The following ZNF420 variants were observed in gnomAD, a reference collection of about 807,000 sequenced individuals.
The protein encoded by ZNF420 is zinc finger protein 420, also known as ATM and p53-associated KZNF protein.
ZNF420 carries 31 observed loss-of-function variants against 44.7 expected under a neutral mutation model. The ratio of observed to expected loss-of-function variants is 0.69; its 90% CI spans 0.52 to 0.94. The LOEUF is 0.94. Among genes scored for constraint, ZNF420 ranks in the 40% least tolerant of loss-of-function variants. ZNF420 has a pLI of 0.00. For missense variants in ZNF420, 681 were observed against 827.9 expected (o/e 0.82, Z 2.18); for synonymous variants, 245 against 267.4 (o/e 0.92, Z 0.82).
rs1196970208 is a variant in ZNF420 at position 37,128,356 on chromosome 19, C to A, written c.1365C>A (p.Thr455=). The change falls in exon 5 of 5, where the codon ACC becomes ACA. Residue 455 remains threonine, a synonymous_variant. Coordinates refer to ENST00000337995, the MANE Select transcript of ZNF420 (RefSeq NM_144689.5). ...ATGAATGTAAAGAATGTGGAAAAACCTTTAGTCGTGGCTCAGAACTTACTC... is the reference window on the plus strand; with the variant it reads ...ATGAATGTAAAGAATGTGGAAAAACATTTAGTCGTGGCTCAGAACTTACTC... ...KPYECKECGK[T]FSRGSELTQH... is the part of the protein sequence containing the mutation. 5.0e-6 allele frequency: 8 copies of A among 1,613,758 alleles called. No individual in the cohort carries two copies. In the Admixed American group the frequency reaches 1.0e-4, roughly 20 times the overall value.
chr19:37,019,999 T>C (rs2074635559), intron 1 of ZNF420, among the ~76,000 whole-genome samples: 4 of 151,920 alleles, frequency 2.6e-5, no homozygotes, highest in Non-Finnish European at 4.4e-5. Context: ...GGGCGGATCA[T>C]AAGGTCAGGA....
In ZNF420 at chr19:37,084,899, G is replaced by A. The variant is rs368219136; in HGVS notation, c.-80-4140G>A. ...TATTTTTTTTTGAAAACTTGATAGG[G>A]GTTTGTAAACTGTATTAATCTTTTG... On this transcript the variant is annotated intron_variant, in intron 2 of 4. Coordinates refer to ENST00000337995, the MANE Select transcript of ZNF420 (RefSeq NM_144689.5). Among the ~76,000 whole-genome samples the A allele has an allele frequency of 4.0e-5, 6 of 151,862 alleles. No homozygotes were observed. In the South Asian group the frequency reaches 1.3e-3, roughly 32 times the overall value.
At chr19:37,113,510 C>T (rs1970494746) in intron 4 of ZNF420, among the ~76,000 whole-genome samples, 1 of 152,140 alleles carries the variant, frequency 6.6e-6, no homozygotes, top group Admixed American at 6.5e-5. Flanking sequence ...TCAGGATTGG[C>T]ATTTTCGTAT....
chr19:37,099,052 A>G (rs1305489125), intron 4 of ZNF420, among the ~76,000 whole-genome samples: 1 of 152,198 alleles, frequency 6.6e-6, no homozygotes, highest in Non-Finnish European at 1.5e-5. Flanking sequence ...TTCTGCATAT[A>G]TACCACATTT....
At chr19:37,117,303 GGCTGTTCTACAGCCACC>G (rs1300216364) in intron 4 of ZNF420, among the ~76,000 whole-genome samples, 2 of 151,330 alleles carry the variant, frequency 1.3e-5, no homozygotes, top group Admixed American at 6.6e-5. Context: ...CACGAAAATC[GGCTGTTCTACAGCCACC>G]GCTGTTCTGC....
In ZNF420 at chr19:37,049,178, C is replaced by T. The variant is rs575881039; in HGVS notation, c.-124-31167C>T. Among the ~76,000 whole-genome samples the T allele has an allele frequency of 7.2e-5, 11 of 152,142 alleles. No individual in the cohort carries two copies. In the South Asian group the frequency reaches 1.5e-3, roughly 20 times the overall value. ...TGTGAATAGTGCTGCAATAAACATA[C>T]GTGTGCATGTGTCTTTATAGCAGCA... On this transcript the variant is annotated intron_variant, in intron 1 of 4. Coordinates refer to the ZNF420 transcript ENST00000587029.
chr19:37,110,312 G>A (rs34994400), intron 4 of ZNF420, among the ~76,000 whole-genome samples: 2,941 of 152,296 alleles, frequency 0.019, 79 homozygotes, highest in East Asian at 0.05. Flanking sequence ...GAGTGGGCAG[G>A]TGTAGGACTT....
intron 2 of ZNF420, among the ~76,000 whole-genome samples, chr19:37,084,484 G>A (rs1294954680): frequency 6.6e-6 from 1 of 152,128 alleles, no homozygotes; most frequent in Non-Finnish European, 1.5e-5. Context: ...CTATTGAGCT[G>A]TAACTTTTTT....
At chr19:37,038,569 A>T (rs569125183) in intron 1 of ZNF420, among the ~76,000 whole-genome samples, 12 of 152,322 alleles carry the variant, frequency 7.9e-5, no homozygotes, top group African/African-American at 2.9e-4. Flanking sequence ...TCTTTCAACA[A>T]TGTTGACAGC....
chr19:37,020,891 G>A (rs1400376277), intron 1 of ZNF420, among the ~76,000 whole-genome samples: 2 of 152,134 alleles, frequency 1.3e-5, no homozygotes, highest in African/African-American at 4.8e-5. Flanking sequence ...GGGGGAATGG[G>A]GAGTCATTGT....
chr19:37,112,001 T>A (rs1243813587), intron 4 of ZNF420, among the ~76,000 whole-genome samples: 1 of 151,998 alleles, frequency 6.6e-6, no homozygotes, highest in Admixed American at 6.6e-5. Context: ...AAGGCGAGAA[T>A]GAAGGCTCAG....
At chr19:37,077,590 C>T (rs1192862724), upstream of ZNF420, among the ~76,000 whole-genome samples, 1 of 152,074 alleles carries the variant, frequency 6.6e-6, no homozygotes, top group East Asian at 1.9e-4. Context: ...TTATCTTTTC[C>T]AGATTATTAC....
At chr19:37,041,121 C>T (rs1967443960) in intron 1 of ZNF420, among the ~76,000 whole-genome samples, 2 of 151,902 alleles carry the variant, frequency 1.3e-5, no homozygotes. Context: ...GTCAGGAGTT[C>T]AAGACCAGCC....
At position 37,121,758 on chromosome 19, in the gene ZNF420, T is replaced by G. The variant is rs540937750; in HGVS notation, c.137-5370T>G. 3.1e-4 allele frequency among the ~76,000 whole-genome samples: 47 copies of G among 152,028 alleles called. 3 individuals carry two copies. In the South Asian group the frequency reaches 9.8e-3, roughly 32 times the overall value. ...AAGGGCTAATATCCAGAATCTACAATGAACTCAAATTTACAAGAAAAAAAC... is the reference window on the plus strand; with the variant it reads ...AAGGGCTAATATCCAGAATCTACAAGGAACTCAAATTTACAAGAAAAAAAC... On this transcript the variant is annotated intron_variant, in intron 4 of 4. Coordinates refer to ENST00000337995, the MANE Select transcript of ZNF420 (RefSeq NM_144689.5).
chr19:37,096,848 T>C (rs755686256), intron 4 of ZNF420, among the ~76,000 whole-genome samples: 2 of 152,156 alleles, frequency 1.3e-5, no homozygotes, highest in African/African-American at 4.8e-5. Context: ...TTCAGCATGC[T>C]AAATCTGCTT....
chr19:37,012,275 T>G (rs1260560758), intron 1 of ZNF420, among the ~76,000 whole-genome samples: 1 of 152,182 alleles, frequency 6.6e-6, no homozygotes, highest in African/African-American at 2.4e-5. Flanking sequence ...CGCCATTATT[T>G]AAAGGGGCCG....
At position 37,129,368 on chromosome 19, in the gene ZNF420, A is replaced by G; in HGVS notation, c.*310A>G. 3.3e-6 allele frequency: 1 copy of G among 299,208 alleles called. No homozygotes were observed. The highest frequency in any genetic ancestry group is 6.2e-6 in the Non-Finnish European group (1 of 160,952). 18.5% of individuals were successfully genotyped at this position (299,208 alleles called of 1,614,324 possible). A position where few individuals can be genotyped will look rare whatever the true frequency, so the allele number is the denominator to read the frequency against. ...ATCTTTTTGTTATATGTATCATGAT[A>G]CTTAACCTCTACCTTGGTTTAATCA... is the stretch of plus-strand genomic sequence containing the variant. On this transcript the variant is annotated 3_prime_UTR_variant, in exon 5 of 5. Transcript: ENST00000337995.
At chr19:37,069,869 T>A (rs114080431) in intron 1 of ZNF420, among the ~76,000 whole-genome samples, 3,677 of 152,032 alleles carry the variant, frequency 0.024, 162 homozygotes, top group African/African-American at 0.083. Flanking sequence ...ATATCTAGCA[T>A]CCAGCTTAAA....
At chr19:37,030,833 C>G (rs1967244669) in intron 1 of ZNF420, among the ~76,000 whole-genome samples, 2 of 152,160 alleles carry the variant, frequency 1.3e-5, no homozygotes, top group Admixed American at 6.5e-5. Context: ...GTATGAGTGG[C>G]TGCACCCTAG....
Sources: gnomAD v4.1 joint callset for allele counts (sites outside exome capture counted in the v4.1 genomes callset) on GRCh38, gnomAD v4.1.1 for gene constraint, MANE v1.5 for transcripts, NCBI Gene and HGNC (gene_info 2026-07-23, HGNC 2026-07-21) for gene names.